The following GRM5 variants were observed in gnomAD, a reference collection of about 807,000 sequenced individuals.
GRM5 encodes the protein glutamate metabotropic receptor 5, also known as metabotropic glutamate receptor 5.
GRM5 carries 19 observed loss-of-function variants against 83.1 expected under a neutral mutation model. That is an observed-to-expected ratio of 0.23 (90% CI 0.16 to 0.34). GRM5 has a LOEUF of 0.34. Among genes scored for constraint, GRM5 ranks in the 10% least tolerant of loss-of-function variants. The pLI, the probability that GRM5 is intolerant of heterozygous loss-of-function variation, is 1.00. For synonymous variants in GRM5, 675 were observed against 633.6 expected (o/e 1.07, Z -0.98); for missense variants, 1,160 against 1,588.3 (o/e 0.73, Z 4.58).
chr11:88,751,086 AAAAAAAAAAC>A (rs1420475453), intron 3 of GRM5, among the ~76,000 whole-genome samples: 7 of 148,336 alleles, frequency 4.7e-5, no homozygotes, highest in African/African-American at 1.7e-4. Context: ...AAAAAAAAAA[AAAAAAAAAAC>A]AAAGAACAAA....
intron 3 of GRM5, among the ~76,000 whole-genome samples, chr11:88,831,729 C>T (rs1162017657): frequency 6.6e-6 from 1 of 152,192 alleles, no homozygotes; most frequent in East Asian, 1.9e-4. Context: ...CCAGCGATTG[C>T]AGCCACTGAT....
At chr11:88,727,934 A>G (rs1487614025) in intron 3 of GRM5, among the ~76,000 whole-genome samples, 1 of 152,220 alleles carries the variant, frequency 6.6e-6, no homozygotes, top group Non-Finnish European at 1.5e-5. Flanking sequence ...GGAAAGATCT[A>G]AAATCAACAC....
chr11:88,518,050 G>T (rs1941571617), intron 9 of GRM5, among the ~76,000 whole-genome samples: 1 of 151,858 alleles, frequency 6.6e-6, no homozygotes, highest in Non-Finnish European at 1.5e-5. Flanking sequence ...GAATTGAGCA[G>T]AAACTGAGAT....
intron 3 of GRM5, among the ~76,000 whole-genome samples, chr11:88,765,561 A>G (rs1273997341): frequency 6.6e-6 from 1 of 151,710 alleles, no homozygotes; most frequent in Non-Finnish European, 1.5e-5. Flanking sequence ...ATGGTTTTTG[A>G]GAAGGGTGTC....
At chr11:88,959,390 G>T (rs1938716924) in intron 2 of GRM5, among the ~76,000 whole-genome samples, 1 of 151,654 alleles carries the variant, frequency 6.6e-6, no homozygotes, top group Admixed American at 6.6e-5. Context: ...TAATAATCCA[G>T]ATTTTGTCAT....
intron 4 of GRM5, 48 bp from the exon 5 acceptor site, chr11:88,605,012 C>T (rs200407765): frequency 1.9e-5 from 29 of 1,503,120 alleles, no homozygotes; most frequent in Admixed American, 3.4e-5. Context: ...AATCTACTCT[C>T]GCGACATTCC....
chr11:88,744,141 A>G (rs1202786987), intron 3 of GRM5, among the ~76,000 whole-genome samples: 1 of 152,192 alleles, frequency 6.6e-6, no homozygotes, highest in Non-Finnish European at 1.5e-5. Context: ...CTAGGACCAT[A>G]GTTAGATAAA....
intron 8 of GRM5, among the ~76,000 whole-genome samples, chr11:88,536,178 C>CT (rs1344463612): frequency 1.3e-5 from 2 of 152,036 alleles, no homozygotes; most frequent in Admixed American, 6.5e-5. Context: ...TCTGAAAACG[C>CT]TTTTGTTCAC....
At chr11:88,521,849 T>A (rs1379974471) in intron 9 of GRM5, among the ~76,000 whole-genome samples, 1 of 152,190 alleles carries the variant, frequency 6.6e-6, no homozygotes, top group Non-Finnish European at 1.5e-5. Flanking sequence ...TAAAGGAGCA[T>A]CTGTCTAAGG....
intron 8 of GRM5, among the ~76,000 whole-genome samples, chr11:88,537,266 T>C (rs575930292): frequency 1.0e-5 from 1 of 98,334 alleles, no homozygotes; most frequent in African/African-American, 3.4e-5. Context: ...TCAAGTGGAA[T>C]AAATCACCCT....
intron 3 of GRM5, among the ~76,000 whole-genome samples, chr11:88,675,392 A>C (rs939232955): frequency 6.6e-6 from 1 of 151,992 alleles, no homozygotes; most frequent in African/African-American, 2.4e-5. Context: ...ATAAGAAGAA[A>C]GAGAAAGATA....
At chr11:88,943,130 T>C (rs1938167531) in intron 2 of GRM5, among the ~76,000 whole-genome samples, 1 of 152,106 alleles carries the variant, frequency 6.6e-6, no homozygotes, top group Non-Finnish European at 1.5e-5. Flanking sequence ...GGGCTTCATA[T>C]AGGTGTCGTT....
intron 2 of GRM5, among the ~76,000 whole-genome samples, chr11:88,897,382 A>C (rs1719485350): frequency 6.6e-6 from 1 of 151,944 alleles, no homozygotes; most frequent in Non-Finnish European, 1.5e-5. Context: ...GCAGACACAA[A>C]AAATTCATAA....
chr11:88,939,758 G>T (rs1382917271), intron 2 of GRM5, among the ~76,000 whole-genome samples: 1 of 151,714 alleles, frequency 6.6e-6, no homozygotes, highest in African/African-American at 2.4e-5. Context: ...ATAAACAAAT[G>T]TTGAGAAATA....
intron 2 of GRM5, among the ~76,000 whole-genome samples, chr11:88,874,156 A>G (rs368395673): frequency 1.3e-4 from 15 of 112,892 alleles, no homozygotes; most frequent in African/African-American, 3.7e-4. Context: ...AATAATACCA[A>G]TCTTTCTGAG....
chr11:88,741,363 C>T (rs1308444981), intron 3 of GRM5, among the ~76,000 whole-genome samples: 1 of 152,032 alleles, frequency 6.6e-6, no homozygotes, highest in East Asian at 1.9e-4. Flanking sequence ...ACACAGTAAT[C>T]TCACTCCCAG....
At chr11:88,846,623 T>C (rs552831909) in intron 3 of GRM5, among the ~76,000 whole-genome samples, 91 of 152,284 alleles carry the variant, frequency 6.0e-4, no homozygotes, top group Non-Finnish European at 1.0e-3. Flanking sequence ...TGGAGATATT[T>C]ATAAGTAACT....
intron 3 of GRM5, among the ~76,000 whole-genome samples, chr11:88,740,989 A>G (rs1942016583): frequency 6.6e-6 from 1 of 152,046 alleles, no homozygotes; most frequent in Admixed American, 6.6e-5. Context: ...TGCTATGTTC[A>G]CTGCTATAGT....
chr11:88,880,496 T>C (rs149136276), intron 2 of GRM5, among the ~76,000 whole-genome samples: 2,093 of 152,234 alleles, frequency 0.014, 49 homozygotes, highest in African/African-American at 0.048. Context: ...GAATTAACCT[T>C]ATAAAAAGCC....
Sources: gnomAD v4.1 joint callset for allele counts (sites outside exome capture counted in the v4.1 genomes callset) on GRCh38, gnomAD v4.1.1 for gene constraint, MANE v1.5 for transcripts, NCBI Gene and HGNC (gene_info 2026-07-23, HGNC 2026-07-21) for gene names.